CTR9: variants seen among roughly 807,000 people sequenced by gnomAD.
The protein encoded by CTR9 is RNA polymerase-associated protein CTR9 homolog.
A neutral mutation model predicts 152.1 loss-of-function variants in CTR9; 41 were observed. The observed-to-expected ratio is 0.27, with a 90% CI of 0.21 to 0.35. The LOEUF is 0.35. Ranked by LOEUF, CTR9 falls within the 10% of genes least tolerant of loss-of-function variation. The pLI is 1.00. For synonymous variants in CTR9, 476 were observed against 496.2 expected (o/e 0.96, Z 0.54); for missense variants, 917 against 1,424.4 (o/e 0.64, Z 5.73).
At position 10,768,355 on chromosome 11, in the gene CTR9, C is replaced by T; in HGVS notation, c.1973C>T (p.Ala658Val). Reference protein sequence around the residue: ...YAANGIGAVLAHKGYFREARD... With the variant: ...YAANGIGAVLVHKGYFREARD... The stretch of plus-strand genomic sequence containing the variant: ...TTTATATCTTTAGGAGCTGTTTTGG[C>T]CCACAAAGGATATTTTCGTGAAGCT... Residue 658 changes from alanine to valine, a missense_variant, in exon 16 of 25, where the codon GCC (alanine) becomes GTC (valine). Transcript: ENST00000361367. The T allele has an allele frequency of 6.2e-7, 1 of 1,612,550 alleles. No homozygotes were observed. The highest frequency in any genetic ancestry group is 8.5e-7 in the Non-Finnish European group (1 of 1,179,544).
chr11:10,776,085 T>TTATC (rs1415532667), intron 24 of CTR9, among the ~76,000 whole-genome samples: 3 of 151,882 alleles, frequency 2.0e-5, no homozygotes, highest in East Asian at 3.9e-4. Flanking sequence ...ATTTATTTAT[T>TTATC]TATCTATTTA....
At chr11:10,756,387 T>C (rs1241790764) in intron 4 of CTR9, among the ~76,000 whole-genome samples, 1 of 152,190 alleles carries the variant, frequency 6.6e-6, no homozygotes, top group Non-Finnish European at 1.5e-5. Context: ...TTATTTTTCC[T>C]GATCCTCTTC....
intron 22 of CTR9, 60 bp downstream of exon 22, chr11:10,774,229 C>G (rs1038188717): frequency 5.9e-6 from 9 of 1,519,360 alleles, no homozygotes; most frequent in Non-Finnish European, 7.9e-6. Flanking sequence ...GACCTTTTAC[C>G]TTCTGAATCT....
chr11:10,772,483 G>A, intron 19 of CTR9, 37 bp from the exon 20 acceptor site: 1 of 1,378,450 alleles, frequency 7.3e-7, no homozygotes, highest in Non-Finnish European at 9.5e-7. Flanking sequence ...TAATATAGTA[G>A]TTACATTCAT....
At chr11:10,752,406 G>A (rs1162165764) in intron 1 of CTR9, among the ~76,000 whole-genome samples, 2 of 152,174 alleles carry the variant, frequency 1.3e-5, no homozygotes, top group African/African-American at 4.8e-5. Flanking sequence ...TTATTTTTTA[G>A]TAAGCAGACC....
At chr11:10,769,736 C>T (rs1863113139) in intron 16 of CTR9, among the ~76,000 whole-genome samples, 1 of 152,182 alleles carries the variant, frequency 6.6e-6, no homozygotes, top group Admixed American at 6.5e-5. Context: ...TCACAATTAA[C>T]ACTAGTATTG....
intron 16 of CTR9, 125 bp downstream of exon 16, chr11:10,768,616 TTTATAA>T: frequency 1.0e-6 from 1 of 980,148 alleles, no homozygotes; most frequent in Non-Finnish European, 1.4e-6. Flanking sequence ...TATTTAGAGA[TTTATAA>T]TTATATAATG....
At chr11:10,752,323 C>T (rs1051532781) in intron 1 of CTR9, among the ~76,000 whole-genome samples, 1 of 152,114 alleles carries the variant, frequency 6.6e-6, no homozygotes, top group African/African-American at 2.4e-5. Flanking sequence ...GGAGTCAGAC[C>T]TATGGCATAA....
chr11:10,775,536 C>T lies in CTR9; in HGVS notation c.2998C>T (p.Leu1000=). 1.2e-6 allele frequency: 2 copies of T among 1,613,238 alleles called. No homozygotes were observed. Among genetic ancestry groups the T allele is most frequent in the South Asian group, 1.1e-5 (1 of 91,028 alleles). Residue 1000 remains leucine (L), a synonymous_variant, in exon 24 of 25, where the codon CTG becomes TTG. Transcript: ENST00000361367. ...EKKKAPKPER[L]PPSMKGKIKS... ...CATTCTTTAGCCCAAGCCAGAACGT[C>T]TGCCTCCATCAATGAAGGGAAAAAT...
At chr11:10,773,019 T>C in intron 20 of CTR9, 108 bp from the exon 21 acceptor site, 1 of 1,244,800 alleles carries the variant, frequency 8.0e-7, no homozygotes, top group Non-Finnish European at 1.1e-6. Context: ...AGAGTGAGAC[T>C]CCATCTCAAA....
At position 10,775,522 on chromosome 11, in the gene CTR9, C is replaced by A; in HGVS notation, c.2984C>A (p.Pro995His). The change falls in exon 24 of 25, where the codon CCC (proline) becomes CAC (histidine). Residue 995 changes from proline to histidine, a missense_variant and splice_region_variant. Pro to His is a moderately conservative substitution (Grantham distance 77). Coordinates refer to ENST00000361367, the MANE Select transcript of CTR9 (RefSeq NM_014633.5). ...RPPKAEKKKA[P>H]KPERLPPSMK... ...TCTATTATGTTTGACATTCTTTAGC[C>A]CAAGCCAGAACGTCTGCCTCCATCA... 1 of 1,611,118 alleles carries A rather than the reference C, an allele frequency of 6.2e-7. No individual in the cohort carries two copies. Among genetic ancestry groups the A allele is most frequent in the Non-Finnish European group, 8.5e-7 (1 of 1,178,104 alleles).
chr11:10,753,235 T>C (rs147627652), intron 2 of CTR9, among the ~76,000 whole-genome samples: 2,005 of 152,270 alleles, frequency 0.013, 33 homozygotes, highest in African/African-American at 0.044. Flanking sequence ...CTCAGACTTA[T>C]GTTTTTTGTC....
At position 10,768,166 on chromosome 11, in the gene CTR9, T is replaced by C. The variant is rs1863088151; in HGVS notation, c.1960+5T>C. 6.2e-7 allele frequency: 1 copy of C among 1,611,528 alleles called. No homozygotes were observed. The highest frequency in any genetic ancestry group is 8.5e-7 in the Non-Finnish European group (1 of 1,177,946). On this transcript the variant is annotated splice_donor_5th_base_variant and intron_variant, in intron 15 of 24. Transcript: ENST00000361367. Reference sequence around the variant, plus strand: ...TGTATGCTGCCAATGGCATAGGTGATTATAAGACTTGAGTACCCATAACAA... The same window carrying C: ...TGTATGCTGCCAATGGCATAGGTGACTATAAGACTTGAGTACCCATAACAA...
intron 24 of CTR9, among the ~76,000 whole-genome samples, chr11:10,778,184 C>T (rs1564974103): frequency 6.6e-6 from 1 of 152,206 alleles, no homozygotes; most frequent in Non-Finnish European, 1.5e-5. Context: ...TGACCTCACT[C>T]TTCAGGTACC....
rs531829814 is a variant in CTR9 at position 10,771,496 on chromosome 11, C to G, written c.2373-49C>G. The G allele has an allele frequency of 1.5e-3, 1,992 of 1,328,936 alleles. 50 individuals carry two copies. The South Asian group carries it at 0.023, about 15-fold the overall frequency. The allele number at this position is 1,328,936 out of a possible 1,614,324, so 82.3% of individuals were successfully genotyped here. A position where few individuals can be genotyped will look rare whatever the true frequency, so the allele number is the denominator to read the frequency against. ...ATTAAATTTTTTAAGAGCTTTATTT[C>G]ATTAGAATCTCTTTTTTTAAAAGTG... On this transcript the variant is annotated intron_variant, in intron 18 of 24. Transcript: ENST00000361367.
In CTR9 at chr11:10,770,256, T is replaced by C. The variant is rs1193941267; in HGVS notation, c.2156T>C (p.Val719Ala). ...RKFYKHQNTE[V>A]VLYLARALFK... Reference sequence around the variant, plus strand: ...TTCTATAAGCACCAAAACACTGAAGTTGTACTCTATTTGGCCCGGGCCCTC... The same window carrying C: ...TTCTATAAGCACCAAAACACTGAAGCTGTACTCTATTTGGCCCGGGCCCTC... Residue 719 changes from valine to alanine, a missense_variant, in exon 17 of 25, where the codon GTT becomes GCT. By Grantham distance (64) the Val-to-Ala change is moderately conservative. Around this residue, in one of 9 missense-constraint regions of CTR9, gnomAD observed 106 missense variants for 157.8 expected, o/e 0.67. Transcript: ENST00000361367. The C allele has an allele frequency of 6.2e-7, 1 of 1,614,002 alleles. No individual in the cohort carries two copies. Among genetic ancestry groups the C allele is most frequent in the Admixed American group, 1.7e-5 (1 of 59,982 alleles).
chr11:10,764,174 A>G lies in CTR9; in HGVS notation c.1257A>G (p.Ala419=), dbSNP rs1278620368. The change falls in exon 10 of 25, where the codon GCA becomes GCG. Residue 419 remains alanine (A), a synonymous_variant. Coordinates refer to ENST00000361367, the MANE Select transcript of CTR9 (RefSeq NM_014633.5). ...ATGTTGAAGCTTGGATTGAATTGGC[A>G]CAAATCTTAGAACAGACTGATATAC... ...PDDVEAWIEL[A]QILEQTDIQG... 2 of 1,614,200 alleles carry G rather than the reference A, an allele frequency of 1.2e-6. No homozygotes were observed. The highest frequency in any genetic ancestry group is 8.5e-7 in the Non-Finnish European group (1 of 1,180,020).
intron 1 of CTR9, among the ~76,000 whole-genome samples, chr11:10,752,153 C>T (rs1002224384): frequency 3.9e-5 from 6 of 151,904 alleles, no homozygotes; most frequent in Non-Finnish European, 7.4e-5. Flanking sequence ...TTAGTGTATT[C>T]GCAAAGTTGT....
At chr11:10,755,539 C>A in intron 3 of CTR9, 139 bp from the exon 4 acceptor site, 2 of 590,078 alleles carry the variant, frequency 3.4e-6, no homozygotes. Context: ...TTAAGAATTG[C>A]TTGTTAGTAG....
Sources: gnomAD v4.1 joint callset for allele counts (sites outside exome capture counted in the v4.1 genomes callset) on GRCh38, gnomAD v4.1.1 for gene constraint, gnomAD v4.1.1 regional missense constraint, MANE v1.5 for transcripts, NCBI Gene and HGNC (gene_info 2026-07-23, HGNC 2026-07-21) for gene names.